The following NEK9 variants were observed in gnomAD, a reference collection of about 807,000 sequenced individuals.
The protein encoded by NEK9 is serine/threonine-protein kinase Nek9.
NEK9 carries 75 observed loss-of-function variants against 123.4 expected under a neutral mutation model. The observed-to-expected ratio is 0.61, with a 90% CI of 0.50 to 0.74. The LOEUF (loss-of-function observed/expected upper bound fraction) is 0.74, where lower values mean the gene tolerates loss of function less well. NEK9 is among the 30% of genes least tolerant of loss of function. The pLI is 0.00. For missense variants in NEK9, 952 were observed against 1,214.4 expected, an observed-to-expected ratio of 0.78 and a Z score of 3.21; for synonymous variants, 438 against 458.7, an observed-to-expected ratio of 0.95 and a Z score of 0.58.
chr14:75,102,389 C>T (rs559983877), intron 14 of NEK9, among the ~76,000 whole-genome samples: 44 of 151,972 alleles, frequency 2.9e-4, no homozygotes, highest in African/African-American at 9.9e-4. Flanking sequence ...GCTTTGTCGC[C>T]CAGGCTGGAG....
rs755771696 is a variant in NEK9, at chr14:75,118,954, G to A, written c.525-19C>T. ...TATATCTCTGAAAAAAAAAGATGCTGCAAATTAAGTTCACACAGATAATTG... is the reference window on the plus strand; with the variant it reads ...TATATCTCTGAAAAAAAAAGATGCTACAAATTAAGTTCACACAGATAATTG... On this transcript the variant is annotated intron_variant, in intron 4 of 21. Coordinates refer to ENST00000238616, the MANE Select transcript of NEK9 (RefSeq NM_033116.6). The A allele has an allele frequency of 3.6e-5, 46 of 1,260,948 alleles. No individual in the cohort carries two copies. The highest frequency in any genetic ancestry group is 5.0e-5 in the Non-Finnish European group (43 of 864,362). 78.1% of individuals were successfully genotyped at this position (1,260,948 alleles called of 1,614,324 possible). A position where few individuals can be genotyped will look rare whatever the true frequency, so the allele number is the denominator to read the frequency against.
At position 75,082,984 on chromosome 14, in the gene NEK9, C is replaced by A. The variant is rs947306754; in HGVS notation, c.*1580G>T. On this transcript the variant is annotated 3_prime_UTR_variant, in exon 22 of 22. Coordinates refer to ENST00000238616, the MANE Select transcript of NEK9 (RefSeq NM_033116.6). ...CTGAGAAAACAATGGGAACATCAAA[C>A]CAAAGAAGATCCCATTGAACAGAGT... The A allele has an allele frequency of 5.0e-6, 2 of 398,538 alleles. No individual in the cohort carries two copies. Among genetic ancestry groups the A allele is most frequent in the South Asian group, 1.3e-4 (1 of 7,854 alleles). 24.7% of individuals were successfully genotyped at this position (398,538 alleles called of 1,614,324 possible).
intron 3 of NEK9, 82 bp from the exon 4 acceptor site, chr14:75,120,662 A>C: frequency 9.8e-7 from 1 of 1,020,700 alleles, no homozygotes; most frequent in Non-Finnish European, 1.5e-6. Context: ...CAAACAAAAC[A>C]AAGAAAACTG....
rs774100260 is a variant in NEK9, at chr14:75,101,757, A to G, written c.1740T>C (p.His580=). 1.5e-5 allele frequency: 24 copies of G among 1,610,168 alleles called. No homozygotes were observed. The highest frequency in any genetic ancestry group is 8.9e-5 in the East Asian group (4 of 44,812). The change falls in exon 15 of 22, where the codon CAT becomes CAC. Residue 580 remains histidine, a synonymous_variant. Coordinates refer to ENST00000238616, the MANE Select transcript of NEK9 (RefSeq NM_033116.6). ...TAAAGGACGTTGTGTAGGGAACTTC[A>G]TGGTATGCCTGAAACAAAATAAAAC... The part of the protein sequence containing the change: ...MSGIINHEAY[H]EVPYTTSFTL...
At chr14:75,125,135 T>A (rs1443856573) in intron 1 of NEK9, among the ~76,000 whole-genome samples, 1 of 151,568 alleles carries the variant, frequency 6.6e-6, no homozygotes, top group East Asian at 1.9e-4. Flanking sequence ...ACCCTCCCCA[T>A]CCTTTTGAAT....
At position 75,080,029 on chromosome 14, in the gene NEK9, T is replaced by C. The variant is rs1043008286; in HGVS notation, c.*4535A>G. 6.6e-6 allele frequency: 1 copy of C among 152,180 alleles called. No individual in the cohort carries two copies. 9.4% of individuals were successfully genotyped at this position (152,180 alleles called of 1,614,324 possible). On this transcript the variant is annotated 3_prime_UTR_variant, in exon 22 of 22. Transcript: ENST00000238616. ...AATCTCTACATGTTTAGGCCTTGGT[T>C]ATATTAGAAATATCTTTCAAGGCCG...
rs184249231 is a variant in NEK9, at chr14:75,104,782, C to T, written c.1576-785G>A. On this transcript the variant is annotated intron_variant, in intron 13 of 21. Transcript: ENST00000238616. ...ACAGGCGTGAGCCATTGTGCTCGGT[C>T]AAGGCTACTGTTGTCAACGAAGAGC... Among the ~76,000 whole-genome samples, 24 of 152,340 alleles carry T rather than the reference C, an allele frequency of 1.6e-4. No individual in the cohort carries two copies. The East Asian group carries it at 3.1e-3, about 20-fold the overall frequency.
At chr14:75,118,200 CATT>C (rs1895202450) in intron 5 of NEK9, among the ~76,000 whole-genome samples, 1 of 151,844 alleles carries the variant, frequency 6.6e-6, no homozygotes, top group Admixed American at 6.6e-5. Context: ...CAAACCTTGA[CATT>C]ATTAAAAAAA....
chr14:75,111,152 A>G (rs1023852915), intron 8 of NEK9, among the ~76,000 whole-genome samples: 1 of 152,102 alleles, frequency 6.6e-6, no homozygotes, highest in African/African-American at 2.4e-5. Flanking sequence ...TACCCACTCT[A>G]TCTTTTGCAC....
intron 21 of NEK9, among the ~76,000 whole-genome samples, chr14:75,086,187 A>AAAAAAT (rs149123282): frequency 1.0e-3 from 147 of 145,432 alleles, no homozygotes; most frequent in African/African-American, 2.5e-3. Context: ...AGACTGTCTC[A>AAAAAAT]AAAAATAAAA....
In NEK9 at chr14:75,124,193, C is replaced by T. The variant is rs143597394; in HGVS notation, c.250G>A (p.Asp84Asn). The stretch of plus-strand genomic sequence containing the variant: ...TCCTTCTCAGACAGCCGGGTCAAAT[C>T]GACTTCCTTCCACACAACCAGTGAG... ...DDSLVVWKEV[D>N]LTRLSEKERR... Residue 84 changes from aspartate to asparagine, a missense_variant, in exon 2 of 22, where the codon GAT becomes AAT. By Grantham distance (23) the Asp-to-Asn change is conservative. Around this residue, in one of 4 missense-constraint regions of NEK9, gnomAD observed 106 missense variants for 153.0 expected, o/e 0.69. Coordinates refer to ENST00000238616, the MANE Select transcript of NEK9 (RefSeq NM_033116.6). 3.5e-3 allele frequency: 5,635 copies of T among 1,613,990 alleles called. 23 individuals carry two copies. Among genetic ancestry groups the T allele is most frequent in the Middle Eastern group, 4.3e-3 (26 of 6,056 alleles).
intron 6 of NEK9, chr14:75,116,457 C>A: frequency 2.8e-6 from 1 of 355,818 alleles, no homozygotes; most frequent in South Asian, 2.6e-5. Flanking sequence ...CTTTTGCTCC[C>A]TTCCATTCTG....
At chr14:75,104,147 T>G in intron 13 of NEK9, 150 bp from the exon 14 acceptor site, 1 of 720,398 alleles carries the variant, frequency 1.4e-6, no homozygotes. Context: ...GTTTGCCCAG[T>G]GTCTTAGAGA....
chr14:75,099,772 G>A (rs1380794779), intron 16 of NEK9, among the ~76,000 whole-genome samples: 4 of 100,298 alleles, frequency 4.0e-5, no homozygotes, highest in African/African-American at 7.1e-5. Context: ...ACAACAGTGA[G>A]ATTGTGTCTC....
At chr14:75,120,476 G>A (rs757102787) in intron 4 of NEK9, 34 bp downstream of exon 4, 102 of 1,493,868 alleles carry the variant, frequency 6.8e-5, no homozygotes, top group Middle Eastern at 1.7e-4. Context: ...AATTGGTAGG[G>A]AAGAATCCAT....
chr14:75,120,501 ACTT>A lies in NEK9; in HGVS notation c.524+6_524+8del, dbSNP rs1190529460. 1.2e-6 allele frequency: 2 copies of A among 1,602,438 alleles called. No homozygotes were observed. The highest frequency in any genetic ancestry group is 2.2e-5 in the East Asian group (1 of 44,672). On this transcript the variant is annotated splice_donor_region_variant and intron_variant, in intron 4 of 21. Transcript: ENST00000238616. The stretch of plus-strand genomic sequence containing the variant: ...GAAGAATCCATCCATAATTTTTTTT[ACTT>A]CTTACCTATGAAGGATTCCAGCTTT...
intron 19 of NEK9, among the ~76,000 whole-genome samples, chr14:75,089,071 A>T (rs967963129): frequency 2.0e-5 from 3 of 151,976 alleles, no homozygotes; most frequent in Middle Eastern, 3.4e-3. Context: ...TTAAACCTAC[A>T]GATTTTTTTT....
intron 8 of NEK9, among the ~76,000 whole-genome samples, chr14:75,110,846 T>C (rs1894937324): frequency 6.6e-6 from 1 of 152,176 alleles, no homozygotes; most frequent in Admixed American, 6.5e-5. Flanking sequence ...CAGTCATCTC[T>C]GATTCATCTC....
intron 8 of NEK9, among the ~76,000 whole-genome samples, chr14:75,112,445 T>A (rs1478613796): frequency 6.6e-6 from 1 of 152,172 alleles, no homozygotes; most frequent in Admixed American, 6.5e-5. Flanking sequence ...GAGGAGTCAA[T>A]AAAACTCGAC....
Sources: allele counts gnomAD v4.1 joint callset (sites outside exome capture counted in the v4.1 genomes callset), GRCh38; gene constraint gnomAD v4.1.1; regional missense constraint gnomAD v4.1.1; transcripts MANE v1.5; gene names NCBI Gene and HGNC (gene_info 2026-07-23, HGNC 2026-07-21).